FTO: variants seen among roughly 807,000 people sequenced by gnomAD.
FTO encodes FTO alpha-ketoglutarate dependent dioxygenase.
A neutral mutation model predicts 63.9 loss-of-function variants in FTO; 47 were observed. That is an observed-to-expected ratio of 0.74 (90% CI 0.58 to 0.94). The LOEUF is 0.94. Ranked by LOEUF, FTO falls within the 40% of genes least tolerant of loss-of-function variation. The pLI, the probability that FTO is intolerant of heterozygous loss-of-function variation, is 0.00. For synonymous variants in FTO, 207 were observed against 224.4 expected (o/e 0.92, Z 0.69); for missense variants, 562 against 618.1 (o/e 0.91, Z 0.96).
chr16:54,079,433 G>C (rs952615514), intron 8 of FTO, among the ~76,000 whole-genome samples: 1 of 152,176 alleles, frequency 6.6e-6, no homozygotes, highest in Non-Finnish European at 1.5e-5. Flanking sequence ...ACTAGAGTTA[G>C]GGAATAGAAA....
At chr16:53,969,784 A>G (rs2083275646) in intron 8 of FTO, among the ~76,000 whole-genome samples, 1 of 152,234 alleles carries the variant, frequency 6.6e-6, no homozygotes, top group Admixed American at 6.5e-5. Context: ...TATAGGGAGA[A>G]AGAAAGCCTC....
At chr16:53,746,618 G>A (rs571674252) in intron 1 of FTO, among the ~76,000 whole-genome samples, 2 of 152,230 alleles carry the variant, frequency 1.3e-5, no homozygotes, top group Admixed American at 6.5e-5. Flanking sequence ...GGGATGCAAA[G>A]TGATGTTATA....
At chr16:54,014,674 T>C (rs2084395602) in intron 8 of FTO, among the ~76,000 whole-genome samples, 1 of 152,118 alleles carries the variant, frequency 6.6e-6, no homozygotes, top group South Asian at 2.1e-4. Flanking sequence ...TTTGCATATG[T>C]GAGAATTTTG....
rs190409890 is a variant in FTO at position 53,837,542 on chromosome 16, A to T, written c.752-6613A>T. ...TTCTCACCCCTTCAGACTTTTCTAA[A>T]TTCTCCATTTTTTCAGACCATTCAT... On this transcript the variant is annotated intron_variant, in intron 3 of 8. Coordinates refer to ENST00000471389, the MANE Select transcript of FTO (RefSeq NM_001080432.3). 7.6e-3 allele frequency among the ~76,000 whole-genome samples: 1,164 copies of T among 152,202 alleles called. 9 individuals are homozygous for T. Among genetic ancestry groups the T allele is most frequent in the Non-Finnish European group, 0.011 (751 of 68,016 alleles).
chr16:53,926,126 A>C (rs1031293267), intron 7 of FTO, among the ~76,000 whole-genome samples: 1 of 152,174 alleles, frequency 6.6e-6, no homozygotes, highest in Admixed American at 6.5e-5. Flanking sequence ...TCTTCCTCCT[A>C]TACATAACCT....
At chr16:53,898,234 CTTACTA>C (rs2081318681) in intron 7 of FTO, among the ~76,000 whole-genome samples, 1 of 152,172 alleles carries the variant, frequency 6.6e-6, no homozygotes, top group Non-Finnish European at 1.5e-5. Context: ...TAATGTCTGC[CTTACTA>C]TGTCTAGAAC....
intron 4 of FTO, among the ~76,000 whole-genome samples, chr16:53,854,610 A>G (rs1244385291): frequency 6.6e-6 from 1 of 152,038 alleles, no homozygotes; most frequent in Non-Finnish European, 1.5e-5. Flanking sequence ...GGCTTTATTT[A>G]TGGCTTCTCC....
intron 8 of FTO, 28 bp from the exon 9 acceptor site, chr16:54,111,734 G>A (rs372539370): frequency 3.1e-6 from 5 of 1,613,974 alleles, no homozygotes; most frequent in Non-Finnish European, 4.2e-6. Flanking sequence ...TCCTCCCGTG[G>A]ATTAATTTCC....
chr16:53,879,976 A>T lies in FTO; in HGVS notation c.1108A>T (p.Ile370Phe). ...TGCAGTTTTGAAACAAGGAGAAGAA[A>T]TTCATAATGAGGTAAGGACTTTCTT... is the stretch of plus-strand genomic sequence containing the variant. ...EPAVLKQGEE[I>F]HNEVEFEWLR... is the part of the protein sequence containing the mutation. Residue 370 changes from isoleucine (I) to phenylalanine (F), a missense_variant, in exon 6 of 9, where the codon ATT becomes TTT. By Grantham distance (21) the Ile-to-Phe change is conservative. Coordinates refer to ENST00000471389, the MANE Select transcript of FTO (RefSeq NM_001080432.3). 6.2e-7 allele frequency: 1 copy of T among 1,612,742 alleles called. No individual in the cohort carries two copies. The highest frequency in any genetic ancestry group is 8.5e-7 in the Non-Finnish European group (1 of 1,179,136).
At chr16:54,110,423 A>G (rs2144631053) in intron 8 of FTO, among the ~76,000 whole-genome samples, 1 of 152,360 alleles carries the variant, frequency 6.6e-6, no homozygotes, top group African/African-American at 2.4e-5. Context: ...AGACGCTATT[A>G]TCAGGGCCGG....
At chr16:53,964,427 GAACACAACCA>G (rs750264285) in intron 8 of FTO, among the ~76,000 whole-genome samples, 3 of 152,178 alleles carry the variant, frequency 2.0e-5, no homozygotes, top group Non-Finnish European at 4.4e-5. Context: ...AAGGGAACCA[GAACACAACCA>G]ATATGTTGTA....
chr16:53,985,298 C>T (rs1567496001), intron 8 of FTO, among the ~76,000 whole-genome samples: 1 of 152,106 alleles, frequency 6.6e-6, no homozygotes, highest in Non-Finnish European at 1.5e-5. Flanking sequence ...CTGAAGAGAC[C>T]GATTCAAAGC....
chr16:53,786,452 A>T (rs909213200), intron 1 of FTO, among the ~76,000 whole-genome samples: 3 of 152,208 alleles, frequency 2.0e-5, no homozygotes, highest in East Asian at 1.9e-4. Context: ...AAAATAAAAT[A>T]AAAAAATTCA....
chr16:53,794,633 G>C (rs577485963), intron 1 of FTO, among the ~76,000 whole-genome samples: 29 of 152,266 alleles, frequency 1.9e-4, no homozygotes, highest in African/African-American at 7.0e-4. Context: ...TGGAGCTGTG[G>C]GTCTTGAGGG....
intron 8 of FTO, among the ~76,000 whole-genome samples, chr16:53,989,073 C>A (rs761568175): frequency 6.6e-6 from 1 of 151,898 alleles, no homozygotes. Context: ...GCTAAGTAGC[C>A]CGCCAAGGAG....
intron 8 of FTO, among the ~76,000 whole-genome samples, chr16:54,030,830 T>G (rs2084811567): frequency 6.6e-6 from 1 of 152,220 alleles, no homozygotes. Context: ...ATATGCCACA[T>G]GACAATACAT....
At chr16:53,901,709 T>G (rs937765551) in intron 7 of FTO, among the ~76,000 whole-genome samples, 1 of 152,166 alleles carries the variant, frequency 6.6e-6, no homozygotes, top group East Asian at 1.9e-4. Context: ...TTCACTCTGG[T>G]CTTTCCCACC....
At chr16:54,100,404 G>A (rs2086613607) in intron 8 of FTO, among the ~76,000 whole-genome samples, 1 of 152,162 alleles carries the variant, frequency 6.6e-6, no homozygotes, top group Admixed American at 6.5e-5. Context: ...CTAGGCTGGA[G>A]TGCAGTGGCA....
intron 2 of FTO, among the ~76,000 whole-genome samples, chr16:53,820,640 C>G (rs1319314524): frequency 5.6e-4 from 83 of 148,724 alleles, no homozygotes; most frequent in African/African-American, 2.0e-3. Context: ...CCCCCCACCC[C>G]ACAACAGTCC....
Sources: gnomAD v4.1 joint callset for allele counts (sites outside exome capture counted in the v4.1 genomes callset) on GRCh38, gnomAD v4.1.1 for gene constraint, MANE v1.5 for transcripts, NCBI Gene and HGNC (gene_info 2026-07-23, HGNC 2026-07-21) for gene names.